Variants in DHX15 observed in about 807,000 individuals in gnomAD.
The protein encoded by DHX15 is DEAH-box helicase 15.
A neutral mutation model predicts 94.4 loss-of-function variants in DHX15; 11 were observed. The ratio of observed to expected loss-of-function variants is 0.12; its 90% CI spans 0.07 to 0.19. The LOEUF (loss-of-function observed/expected upper bound fraction) is 0.19, where lower values mean the gene tolerates loss of function less well. DHX15 is among the 10% of genes least tolerant of loss of function. The pLI, the probability that DHX15 is intolerant of heterozygous loss-of-function variation, is 1.00. For missense variants in DHX15, 304 were observed against 988.5 expected, an observed-to-expected ratio of 0.31 and a Z score of 9.29; for synonymous variants, 338 against 329.9, an observed-to-expected ratio of 1.02 and a Z score of -0.27.
chr4:24,549,654 A>C (rs1336196341), intron 5 of DHX15, among the ~76,000 whole-genome samples: 1 of 152,250 alleles, frequency 6.6e-6, no homozygotes, highest in African/African-American at 2.4e-5. Context: ...ATTCTAGTGT[A>C]TTCACGAACC....
intron 3 of DHX15, among the ~76,000 whole-genome samples, chr4:24,570,295 T>C (rs1722094200): frequency 6.6e-6 from 1 of 152,194 alleles, no homozygotes; most frequent in African/African-American, 2.4e-5. Flanking sequence ...CTATACATTC[T>C]TCTTTCTAAA....
intron 2 of DHX15, among the ~76,000 whole-genome samples, 178 bp downstream of exon 2, chr4:24,576,065 G>A (rs1442750223): frequency 2.0e-5 from 3 of 152,130 alleles, no homozygotes; most frequent in East Asian, 1.9e-4. Flanking sequence ...ATTCAGGGGA[G>A]AGGTATTCTC....
chr4:24,536,698 G>A (rs1283338923), intron 11 of DHX15, among the ~76,000 whole-genome samples: 1 of 152,052 alleles, frequency 6.6e-6, no homozygotes, highest in East Asian at 1.9e-4. Flanking sequence ...AAATGTTAGA[G>A]TAATGATTGT....
At chr4:24,556,607 T>C (rs1474232940) in intron 3 of DHX15, among the ~76,000 whole-genome samples, 197 bp from the exon 4 acceptor site, 4 of 152,220 alleles carry the variant, frequency 2.6e-5, no homozygotes, top group African/African-American at 9.6e-5. Context: ...TGAAACAAGA[T>C]ATGCTTCATC....
chr4:24,582,317 G>A (rs1004098018), intron 1 of DHX15, among the ~76,000 whole-genome samples: 2 of 152,062 alleles, frequency 1.3e-5, no homozygotes, highest in African/African-American at 2.4e-5. Flanking sequence ...AATATACAAG[G>A]GAATCATAAA....
intron 9 of DHX15, 95 bp downstream of exon 9, chr4:24,540,745 T>C: frequency 3.1e-6 from 2 of 650,358 alleles, no homozygotes. Flanking sequence ...AAAAGCAAAA[T>C]GTATTTAATA....
At chr4:24,544,644 G>A (rs529544131) in intron 6 of DHX15, among the ~76,000 whole-genome samples, 12 of 152,304 alleles carry the variant, frequency 7.9e-5, no homozygotes, top group African/African-American at 2.6e-4. Flanking sequence ...TTAAAGAAGC[G>A]ATGAATTTAG....
intron 1 of DHX15, among the ~76,000 whole-genome samples, chr4:24,577,924 C>T (rs918891141): frequency 2.6e-5 from 4 of 152,236 alleles, no homozygotes; most frequent in Admixed American, 6.5e-5. Flanking sequence ...TGACACAAGC[C>T]CCGAAACATG....
intron 8 of DHX15, among the ~76,000 whole-genome samples, chr4:24,541,465 A>G (rs937384842): frequency 5.9e-5 from 9 of 152,138 alleles, no homozygotes; most frequent in Non-Finnish European, 1.2e-4. Flanking sequence ...GGATATGCCA[A>G]TGAGAGGCCC....
intron 7 of DHX15, 111 bp downstream of exon 7, chr4:24,542,827 TAA>T (rs957364592): frequency 5.2e-6 from 4 of 769,726 alleles, no homozygotes; most frequent in Non-Finnish European, 8.3e-6. Context: ...AATTTGCAAA[TAA>T]AAAAAAAGAT....
intron 7 of DHX15, among the ~76,000 whole-genome samples, chr4:24,542,579 T>C (rs1577335616): frequency 6.6e-6 from 1 of 152,292 alleles, no homozygotes; most frequent in East Asian, 1.9e-4. Context: ...TGTGCCTAGT[T>C]GACAGCAGTA....
chr4:24,572,292 G>A (rs1722140819), intron 2 of DHX15, among the ~76,000 whole-genome samples: 2 of 152,068 alleles, frequency 1.3e-5, no homozygotes, highest in Non-Finnish European at 2.9e-5. Flanking sequence ...GTGCCACCAC[G>A]CCTGGCTAAT....
intron 1 of DHX15, among the ~76,000 whole-genome samples, chr4:24,579,200 G>A (rs1409043460): frequency 1.3e-5 from 2 of 152,176 alleles, no homozygotes; most frequent in Non-Finnish European, 2.9e-5. Context: ...AAAATGAAGA[G>A]CATTTTCAGA....
At chr4:24,558,025 A>C (rs868515168) in intron 3 of DHX15, among the ~76,000 whole-genome samples, 9 of 152,138 alleles carry the variant, frequency 5.9e-5, no homozygotes, top group Middle Eastern at 3.4e-3. Context: ...ATTTGCTCAA[A>C]TACTAGCATA....
intron 6 of DHX15, among the ~76,000 whole-genome samples, chr4:24,543,763 G>T (rs1231757596): frequency 6.6e-6 from 1 of 152,062 alleles, no homozygotes; most frequent in Non-Finnish European, 1.5e-5. Context: ...GGAAATACAT[G>T]TTACATATAA....
Position 24,537,376 on chromosome 4 carries a change from G to T in DHX15, c.1787-203C>A. The T allele has an allele frequency of 1.9e-6, 1 of 516,828 alleles. No homozygotes were observed. Among genetic ancestry groups the T allele is most frequent in the Non-Finnish European group, 3.3e-6 (1 of 305,028 alleles). 32.0% of individuals were successfully genotyped at this position (516,828 alleles called of 1,614,324 possible). The stretch of plus-strand genomic sequence containing the variant: ...ATCTGTAAGACAAGAGGGTTTCAAA[G>T]CTACAGAGTACCTGATTATTTTAAC... On this transcript the variant is annotated intron_variant, in intron 10 of 13. Transcript: ENST00000336812. The surrounding 1 kb of genome is among the most constrained non-coding windows in gnomAD (Gnocchi z 4.7).
At chr4:24,529,484 A>T in intron 13 of DHX15, 117 bp downstream of exon 13, 1 of 842,064 alleles carries the variant, frequency 1.2e-6, no homozygotes, top group Non-Finnish European at 1.9e-6. Context: ...CCTCATACCT[A>T]CACACTGAAA....
chr4:24,546,494 AC>A lies in DHX15; in HGVS notation c.1248+2360del, dbSNP rs144907963. Reference sequence around the variant, plus strand: ...GCAGAAGTTATCTACTGAAGAGTAAACTTGAATGCATGTAAAGAATTACTGT... The same window carrying A: ...GCAGAAGTTATCTACTGAAGAGTAAATTGAATGCATGTAAAGAATTACTGT... On this transcript the variant is annotated intron_variant, in intron 6 of 13. Transcript: ENST00000336812. 9.0e-3 allele frequency among the ~76,000 whole-genome samples: 1,367 copies of A among 152,362 alleles called. 6 individuals are homozygous for A. Among genetic ancestry groups the A allele is most frequent in the Non-Finnish European group, 0.014 (986 of 68,030 alleles).
rs6842579 is a variant in DHX15 at position 24,576,767 on chromosome 4, C to T, written c.72-89G>A. The stretch of plus-strand genomic sequence containing the variant: ...AATCACAAAGAGAGTAAATGTCCAA[C>T]GTTCAAATGAATAAAAAGTCCAATG... On this transcript the variant is annotated intron_variant, in intron 1 of 13. Coordinates refer to ENST00000336812, the MANE Select transcript of DHX15 (RefSeq NM_001358.3). 11,356 of 1,500,854 alleles carry T rather than the reference C, an allele frequency of 7.6e-3. 283 individuals carry two copies. The African/African-American group carries it at 0.077, about 10-fold the overall frequency. 93.0% of individuals were successfully genotyped at this position (1,500,854 alleles called of 1,614,324 possible).
Sources: allele counts gnomAD v4.1 joint callset (sites outside exome capture counted in the v4.1 genomes callset), GRCh38; gene constraint gnomAD v4.1.1; non-coding constraint Gnocchi (gnomAD v3.1); transcripts MANE v1.5; gene names NCBI Gene and HGNC (gene_info 2026-07-23, HGNC 2026-07-21).